Variants in SOX5 observed in about 807,000 individuals in gnomAD.
SOX5 encodes transcription factor SOX-5.
In SOX5, 9 loss-of-function variants were observed where a neutral mutation model predicts 92.0. That is an observed-to-expected ratio of 0.10 (90% confidence interval 0.06 to 0.17). The LOEUF (loss-of-function observed/expected upper bound fraction) is 0.17. Among genes scored for constraint, SOX5 ranks in the 10% least tolerant of loss-of-function variants. The probability of loss-of-function intolerance (pLI) is 1.00; values close to 1 mark genes in which losing one functional copy is unlikely to be tolerated. For missense variants in SOX5, 642 were observed against 944.5 expected (o/e 0.68, Z 4.20); for synonymous variants, 344 against 336.3 (o/e 1.02, Z -0.25).
At chr12:23,565,201 A>G (rs1268280826) in intron 10 of SOX5, among the ~76,000 whole-genome samples, 2 of 152,236 alleles carry the variant, frequency 1.3e-5, no homozygotes, top group African/African-American at 4.8e-5. Context: ...TATTTACTGT[A>G]AAAGATGGTT....
At chr12:24,153,427 G>C (rs990454938) in intron 4 of SOX5, among the ~76,000 whole-genome samples, 1 of 152,046 alleles carries the variant, frequency 6.6e-6, no homozygotes, top group African/African-American at 2.4e-5. Flanking sequence ...TGGGTTTCTT[G>C]ATGATTACAT....
intron 1 of SOX5, among the ~76,000 whole-genome samples, chr12:24,559,685 AC>A (rs757004392): frequency 1.3e-5 from 2 of 151,912 alleles, no homozygotes; most frequent in Non-Finnish European, 2.9e-5. Context: ...CTCATAACTC[AC>A]CCCCACTGAG....
At chr12:23,729,131 CTT>C (rs778011375) in intron 6 of SOX5, among the ~76,000 whole-genome samples, 3 of 151,720 alleles carry the variant, frequency 2.0e-5, no homozygotes, top group Non-Finnish European at 2.9e-5. Context: ...TCTCTAATGA[CTT>C]TGGCAAAAAT....
intron 5 of SOX5, chr12:23,738,553 G>A (rs1053098966): frequency 6.6e-6 from 1 of 152,128 alleles, no homozygotes; most frequent in Non-Finnish European, 1.5e-5. Flanking sequence ...AAAGTTCCAA[G>A]GAGAATGTCA....
At chr12:23,687,364 C>A (rs781489291) in intron 6 of SOX5, among the ~76,000 whole-genome samples, 1 of 151,638 alleles carries the variant, frequency 6.6e-6, no homozygotes, top group Non-Finnish European at 1.5e-5. Flanking sequence ...TATGTGTATA[C>A]GGTGTCATAT....
chr12:23,839,148 C>T (rs368838512), intron 3 of SOX5, among the ~76,000 whole-genome samples: 2 of 151,984 alleles, frequency 1.3e-5, no homozygotes, highest in Admixed American at 6.6e-5. Flanking sequence ...TGTGCCTGGC[C>T]CCCAGTATTT....
intron 8 of SOX5, among the ~76,000 whole-genome samples, chr12:23,609,895 A>C (rs921986055): frequency 5.3e-5 from 8 of 152,166 alleles, no homozygotes; most frequent in Non-Finnish European, 1.2e-4. Flanking sequence ...AGTTTTTCTT[A>C]TAATTTATTA....
At chr12:23,683,150 A>G (rs1349423887) in intron 6 of SOX5, among the ~76,000 whole-genome samples, 11 of 151,952 alleles carry the variant, frequency 7.2e-5, no homozygotes, top group Admixed American at 7.2e-4. Flanking sequence ...TAATGTGATA[A>G]GCAAGTAACT....
intron 7 of SOX5, among the ~76,000 whole-genome samples, chr12:23,657,847 G>C (rs1400101649): frequency 6.6e-6 from 1 of 152,168 alleles, no homozygotes; most frequent in East Asian, 1.9e-4. Context: ...ATGTTGAAAA[G>C]AGAATACTAA....
intron 2 of SOX5, among the ~76,000 whole-genome samples, chr12:23,872,308 A>G (rs1262189593): frequency 6.7e-6 from 1 of 149,906 alleles, no homozygotes. Flanking sequence ...CACCCCACCC[A>G]GCCCATTTAT....
At chr12:23,958,368 G>T (rs1043482393) in intron 4 of SOX5, among the ~76,000 whole-genome samples, 2 of 151,784 alleles carry the variant, frequency 1.3e-5, no homozygotes, top group African/African-American at 4.8e-5. Flanking sequence ...TCTCATAAAA[G>T]GTAGAAATGC....
chr12:24,255,240 G>A (rs770157219), intron 3 of SOX5, among the ~76,000 whole-genome samples: 3 of 152,122 alleles, frequency 2.0e-5, no homozygotes, highest in Non-Finnish European at 2.9e-5. Flanking sequence ...TACATAAAAA[G>A]AGTAAGCTTT....
At chr12:24,141,053 TAG>T (rs34966940) in intron 4 of SOX5, among the ~76,000 whole-genome samples, 88,364 of 151,762 alleles carry the variant, frequency 0.58, 26,047 homozygotes, top group East Asian at 0.77. Flanking sequence ...GGGTCAGAAA[TAG>T]AGAAGAACAA....
At chr12:24,059,413 A>G (rs1939231699) in intron 4 of SOX5, among the ~76,000 whole-genome samples, 1 of 152,186 alleles carries the variant, frequency 6.6e-6, no homozygotes, top group African/African-American at 2.4e-5. Flanking sequence ...CAAGCCATTG[A>G]AACAATTTGG....
chr12:24,164,748 T>C (rs889241078), intron 4 of SOX5, among the ~76,000 whole-genome samples: 15 of 152,082 alleles, frequency 9.9e-5, no homozygotes, highest in Admixed American at 9.2e-4. Context: ...CTCAATATAT[T>C]ATTGCTTCAT....
intron 4 of SOX5, among the ~76,000 whole-genome samples, chr12:24,040,702 C>T (rs1423427382): frequency 2.0e-5 from 3 of 152,132 alleles, no homozygotes; most frequent in African/African-American, 7.2e-5. Flanking sequence ...GAAACCCCAT[C>T]TCTACTGAAA....
chr12:23,926,635 G>A (rs1462128694), intron 1 of SOX5, among the ~76,000 whole-genome samples: 4 of 151,898 alleles, frequency 2.6e-5, no homozygotes, highest in Admixed American at 2.6e-4. Flanking sequence ...TTTCCTGATA[G>A]CAATTCATTT....
At chr12:24,450,665 T>C (rs1942159093) in intron 1 of SOX5, among the ~76,000 whole-genome samples, 1 of 152,064 alleles carries the variant, frequency 6.6e-6, no homozygotes, top group African/African-American at 2.4e-5. Flanking sequence ...TGGCTTTTTG[T>C]ATTTTTAGCA....
intron 2 of SOX5, among the ~76,000 whole-genome samples, chr12:24,278,717 GCAAA>G (rs1348418665): frequency 1.3e-5 from 2 of 151,892 alleles, no homozygotes; most frequent in African/African-American, 4.8e-5. Flanking sequence ...TCTCAAAAAA[GCAAA>G]CAAACAAAAG....
Sources: allele counts gnomAD v4.1 joint callset (sites outside exome capture counted in the v4.1 genomes callset), GRCh38; gene constraint gnomAD v4.1.1; transcripts MANE v1.5; gene names NCBI Gene and HGNC (gene_info 2026-07-23, HGNC 2026-07-21).